Variants in VSTM4 observed in about 807,000 individuals in gnomAD.
The protein encoded by VSTM4 is V-set and transmembrane domain containing 4, also known as V-set and transmembrane domain-containing protein 4.
A neutral mutation model predicts 36.4 loss-of-function variants in VSTM4; 20 were observed. That is an observed-to-expected ratio of 0.55 (90% CI 0.39 to 0.80). The LOEUF (loss-of-function observed/expected upper bound fraction) is 0.80, where lower values mean the gene tolerates loss of function less well. Among genes scored for constraint, VSTM4 ranks in the 30% least tolerant of loss-of-function variants. The probability of loss-of-function intolerance (pLI) is 0.00; values close to 1 mark genes in which losing one functional copy is unlikely to be tolerated. For synonymous variants in VSTM4, 182 were observed against 173.9 expected (o/e 1.05, Z -0.37); for missense variants, 392 against 404.5 (o/e 0.97, Z 0.26).
chr10:49,031,051 G>T (rs1165363807), intron 7 of VSTM4, among the ~76,000 whole-genome samples: 1 of 152,176 alleles, frequency 6.6e-6, no homozygotes, highest in Non-Finnish European at 1.5e-5. Context: ...ACTGTTACTG[G>T]CAGTACTATT....
chr10:49,109,307 T>C (rs907235500), intron 1 of VSTM4, among the ~76,000 whole-genome samples: 1 of 152,060 alleles, frequency 6.6e-6, no homozygotes, highest in Non-Finnish European at 1.5e-5. Flanking sequence ...TCAAGCAAGA[T>C]CTGAACATTT....
intron 7 of VSTM4, among the ~76,000 whole-genome samples, chr10:49,041,517 C>G (rs768580026): frequency 1.3e-5 from 2 of 152,180 alleles, no homozygotes; most frequent in Middle Eastern, 3.2e-3. Context: ...AGCTCAGACA[C>G]ACAAACAAGT....
intron 2 of VSTM4, among the ~76,000 whole-genome samples, chr10:49,095,283 G>A (rs1317330249): frequency 6.6e-6 from 1 of 152,064 alleles, no homozygotes; most frequent in Non-Finnish European, 1.5e-5. Context: ...TCCACTCCTA[G>A]TTGCCATTTT....
At chr10:49,055,835 A>C (rs1451885301) in intron 5 of VSTM4, among the ~76,000 whole-genome samples, 1 of 152,258 alleles carries the variant, frequency 6.6e-6, no homozygotes, top group Non-Finnish European at 1.5e-5. Context: ...TCTAGTGCAC[A>C]GTAAGTGCCT....
intron 4 of VSTM4, among the ~76,000 whole-genome samples, chr10:49,073,561 C>T (rs1455910956): frequency 6.6e-6 from 1 of 152,208 alleles, no homozygotes; most frequent in Non-Finnish European, 1.5e-5. Flanking sequence ...GTCCCAGAGG[C>T]CTTGTTTCCT....
chr10:49,019,910 A>G (rs1437200155), intron 7 of VSTM4, 135 bp from the exon 8 acceptor site: 6 of 1,138,314 alleles, frequency 5.3e-6, no homozygotes, highest in Non-Finnish European at 6.0e-6. Flanking sequence ...GAAATTTAAG[A>G]GGCTACATAA....
At chr10:49,033,305 A>C (rs1191481970) in intron 7 of VSTM4, among the ~76,000 whole-genome samples, 1 of 152,196 alleles carries the variant, frequency 6.6e-6, no homozygotes, top group African/African-American at 2.4e-5. Context: ...TGTGTAAAGA[A>C]TCATTCCCAT....
intron 5 of VSTM4, among the ~76,000 whole-genome samples, chr10:49,063,175 C>T (rs1465447384): frequency 6.6e-6 from 1 of 151,996 alleles, no homozygotes; most frequent in East Asian, 1.9e-4. Flanking sequence ...CCCGTCTCTA[C>T]TAAACATGCA....
rs1243112656 is a variant in VSTM4, at chr10:49,014,963, C to T, written c.*4687G>A. ...TGTGACCTATGCCCTGAGGACACCC[C>T]CTTTCCCGCAATGAGCACCAGATCC... On this transcript the variant is annotated 3_prime_UTR_variant, in exon 8 of 8. Coordinates refer to ENST00000332853, the MANE Select transcript of VSTM4 (RefSeq NM_001031746.5). The T allele has an allele frequency of 1.3e-5, 2 of 152,282 alleles. No individual in the cohort carries two copies. The highest frequency in any genetic ancestry group is 6.5e-5 in the Admixed American group (1 of 15,276). The allele number at this position is 152,282 out of a possible 1,614,324, so 9.4% of individuals were successfully genotyped here. A position where few individuals can be genotyped will look rare whatever the true frequency, so the allele number is the denominator to read the frequency against.
chr10:49,113,883 T>C (rs557254767), intron 1 of VSTM4, among the ~76,000 whole-genome samples: 1 of 152,174 alleles, frequency 6.6e-6, no homozygotes, highest in African/African-American at 2.4e-5. Context: ...CCTCCAGGGC[T>C]GACCATGGGC....
intron 1 of VSTM4, among the ~76,000 whole-genome samples, 153 bp from the exon 2 acceptor site, chr10:49,108,148 G>T (rs1844824630): frequency 6.6e-6 from 1 of 152,202 alleles, no homozygotes; most frequent in African/African-American, 2.4e-5. Flanking sequence ...CCTCTCCAGA[G>T]GAGGGGTTCT....
At chr10:49,032,285 T>G (rs1382711445) in intron 7 of VSTM4, among the ~76,000 whole-genome samples, 1 of 152,210 alleles carries the variant, frequency 6.6e-6, no homozygotes, top group Non-Finnish European at 1.5e-5. Flanking sequence ...CAGTAGCTAG[T>G]GAGCAGCATG....
At chr10:49,027,511 T>C (rs1210516086) in intron 7 of VSTM4, among the ~76,000 whole-genome samples, 2 of 152,182 alleles carry the variant, frequency 1.3e-5, no homozygotes, top group African/African-American at 2.4e-5. Flanking sequence ...GTTCTAAGAA[T>C]TGTAACACAG....
intron 2 of VSTM4, among the ~76,000 whole-genome samples, chr10:49,087,495 G>A (rs542156964): frequency 1.3e-5 from 2 of 152,294 alleles, no homozygotes; most frequent in South Asian, 4.1e-4. Flanking sequence ...CTGATAGGAA[G>A]TTAGAGTAGG....
chr10:49,049,516 C>A (rs1843665605), intron 5 of VSTM4, among the ~76,000 whole-genome samples: 1 of 152,132 alleles, frequency 6.6e-6, no homozygotes, highest in African/African-American at 2.4e-5. Context: ...AGGGAAGTAC[C>A]TTTTATAATC....
At chr10:49,019,883 G>A (rs766095332) in intron 7 of VSTM4, 108 bp from the exon 8 acceptor site, 3 of 1,392,162 alleles carry the variant, frequency 2.2e-6, no homozygotes, top group African/African-American at 2.9e-5. Flanking sequence ...GGGATTCAGC[G>A]AGGGATAAGT....
At chr10:49,049,298 C>T (rs1843661735) in intron 5 of VSTM4, among the ~76,000 whole-genome samples, 1 of 152,142 alleles carries the variant, frequency 6.6e-6, no homozygotes, top group Admixed American at 6.5e-5. Context: ...AAGCCTTTTA[C>T]ATTACAGGTA....
At chr10:49,115,174 G>T (rs971538776) in intron 1 of VSTM4, among the ~76,000 whole-genome samples, 3 of 151,738 alleles carry the variant, frequency 2.0e-5, no homozygotes, top group Non-Finnish European at 4.4e-5. Flanking sequence ...CGGCTGCTGC[G>T]AGAGTACCCA....
intron 7 of VSTM4, among the ~76,000 whole-genome samples, chr10:49,046,539 A>G (rs1188728968): frequency 6.6e-6 from 1 of 152,242 alleles, no homozygotes; most frequent in South Asian, 2.1e-4. Context: ...AGAAACCAAC[A>G]CTAAGAGAAG....
Sources: allele counts gnomAD v4.1 joint callset (sites outside exome capture counted in the v4.1 genomes callset), GRCh38; gene constraint gnomAD v4.1.1; transcripts MANE v1.5; gene names NCBI Gene and HGNC (gene_info 2026-07-23, HGNC 2026-07-21).